PLEKHG1: variants seen among roughly 807,000 people sequenced by gnomAD.
PLEKHG1 encodes the protein pleckstrin homology domain-containing family G member 1.
PLEKHG1 carries 44 observed loss-of-function variants against 100.8 expected under a neutral mutation model. The ratio of observed to expected loss-of-function variants is 0.44; its 90% CI spans 0.34 to 0.56. The LOEUF is 0.56. Among genes scored for constraint, PLEKHG1 ranks in the 20% least tolerant of loss-of-function variants. The probability of loss-of-function intolerance (pLI) is 0.01; values close to 1 mark genes in which losing one functional copy is unlikely to be tolerated. For synonymous variants in PLEKHG1, 640 were observed against 662.5 expected (o/e 0.97, Z 0.52); for missense variants, 1,545 against 1,720.9 (o/e 0.90, Z 1.81).
intron 13 of PLEKHG1, among the ~76,000 whole-genome samples, chr6:150,821,649 A>C (rs1276950626): frequency 1.3e-5 from 2 of 151,950 alleles, no homozygotes; most frequent in African/African-American, 4.8e-5. Context: ...ACGCCATTGC[A>C]CTCCAGCCTG....
At chr6:150,842,575 T>C (rs1320315114) in exon 16 of PLEKHG1, 1 of 152,230 alleles carries the variant, frequency 6.6e-6, no homozygotes, top group East Asian at 1.9e-4. Flanking sequence ...TCTCATAGCT[T>C]ATAAAAGAAA....
chr6:150,727,531 A>T (rs561136689), intron 1 of PLEKHG1, among the ~76,000 whole-genome samples: 1 of 152,334 alleles, frequency 6.6e-6, no homozygotes, highest in South Asian at 2.1e-4. Flanking sequence ...GGGATTTGTC[A>T]TGAAGTAAAA....
chr6:150,759,471 T>G (rs1230523661), intron 2 of PLEKHG1, among the ~76,000 whole-genome samples: 1 of 152,182 alleles, frequency 6.6e-6, no homozygotes, highest in Non-Finnish European at 1.5e-5. Flanking sequence ...TGTTAAGGTA[T>G]AAAACCTTTG....
At chr6:150,722,827 C>T (rs371118758) in intron 1 of PLEKHG1, among the ~76,000 whole-genome samples, 5 of 152,118 alleles carry the variant, frequency 3.3e-5, no homozygotes, top group Admixed American at 6.5e-5. Context: ...GAACTGAGTG[C>T]GTTCCATACA....
chr6:150,741,877 G>A (rs1213054745), intron 2 of PLEKHG1, among the ~76,000 whole-genome samples: 3 of 152,292 alleles, frequency 2.0e-5, no homozygotes, highest in Admixed American at 1.3e-4. Flanking sequence ...AGTTGTGTAC[G>A]TTGTAGGAAC....
intron 3 of PLEKHG1, among the ~76,000 whole-genome samples, chr6:150,668,557 G>A (rs577773422): frequency 3.9e-5 from 6 of 152,068 alleles, no homozygotes; most frequent in Admixed American, 2.6e-4. Context: ...TTGATCTGTC[G>A]AAACATAGTG....
intron 3 of PLEKHG1, among the ~76,000 whole-genome samples, chr6:150,711,205 GAGA>G (rs1401462648): frequency 1.3e-5 from 2 of 152,136 alleles, no homozygotes; most frequent in Non-Finnish European, 2.9e-5. Flanking sequence ...GACATACAAG[GAGA>G]AGGTGATCAT....
chr6:150,756,209 G>A (rs1241192327), intron 2 of PLEKHG1, among the ~76,000 whole-genome samples: 2 of 151,996 alleles, frequency 1.3e-5, no homozygotes, highest in Admixed American at 6.5e-5. Flanking sequence ...TCAAGTTTCT[G>A]GGGAACATCC....
chr6:150,606,698 G>A (rs1022613611), intron 1 of PLEKHG1, among the ~76,000 whole-genome samples: 1 of 152,034 alleles, frequency 6.6e-6, no homozygotes, highest in African/African-American at 2.4e-5. Flanking sequence ...CTCAGTTTCT[G>A]GATGATTCAG....
chr6:150,702,576 G>GTGTGTGTA (rs1221409960), intron 3 of PLEKHG1, among the ~76,000 whole-genome samples: 8 of 151,650 alleles, frequency 5.3e-5, no homozygotes, highest in Non-Finnish European at 1.2e-4. Flanking sequence ...GTGTGTGTGT[G>GTGTGTGTA]TGTGTGTGTG....
At chr6:150,755,905 A>G (rs1320746040) in intron 2 of PLEKHG1, among the ~76,000 whole-genome samples, 1 of 152,156 alleles carries the variant, frequency 6.6e-6, no homozygotes, top group East Asian at 1.9e-4. Flanking sequence ...AATTTAAAAA[A>G]ATTTATTTTT....
chr6:150,694,082 G>A (rs1439118475), intron 3 of PLEKHG1, among the ~76,000 whole-genome samples: 1 of 152,216 alleles, frequency 6.6e-6, no homozygotes, highest in Non-Finnish European at 1.5e-5. Context: ...AGGCAGCATG[G>A]ATCTAGTTTA....
chr6:150,623,812 G>A (rs1777407353), intron 1 of PLEKHG1, among the ~76,000 whole-genome samples: 1 of 152,212 alleles, frequency 6.6e-6, no homozygotes, highest in Non-Finnish European at 1.5e-5. Context: ...GTGCTGCCCT[G>A]TGGTATTGGG....
rs149979208 is a variant in PLEKHG1, at chr6:150,703,021, C to T, written c.-98-30563C>T. Among the ~76,000 whole-genome samples, 839 of 152,302 alleles carry T rather than the reference C, an allele frequency of 5.5e-3. 2 individuals carry two copies. The highest frequency in any genetic ancestry group is 0.01 in the Admixed American group (158 of 15,288). ...TACAAAACAAAAAACCTCAGCAAGG[C>T]CTGTGTTTTCATCTCCATCATTCTC... is the stretch of plus-strand genomic sequence containing the variant. On this transcript the variant is annotated intron_variant, in intron 3 of 3. Transcript: ENST00000367326.
At chr6:150,703,731 T>C (rs9480548) in intron 3 of PLEKHG1, among the ~76,000 whole-genome samples, 23,184 of 152,150 alleles carry the variant, frequency 0.15, 2,495 homozygotes, top group African/African-American at 0.32. Flanking sequence ...TGGAACATTC[T>C]TGTGTCACAG....
intron 1 of PLEKHG1, among the ~76,000 whole-genome samples, chr6:150,730,348 G>C (rs756188196): frequency 8.2e-6 from 1 of 122,178 alleles, no homozygotes; most frequent in Non-Finnish European, 1.8e-5. Context: ...GTGTGGGGGT[G>C]GGGGAGTGGG....
rs7738397 is a variant in PLEKHG1, at chr6:150,739,844, G to A, written c.411+5752G>A. Among the ~76,000 whole-genome samples, 377 of 152,326 alleles carry A rather than the reference G, an allele frequency of 2.5e-3. 3 individuals are homozygous for A. The highest frequency in any genetic ancestry group is 8.5e-3 in the African/African-American group (355 of 41,558). ...CCAAGCTCTGTGTTCGTTAGTCTAT[G>A]TGGACTCTTTGTTTATTGAGTGATC... On this transcript the variant is annotated intron_variant, in intron 2 of 15. Coordinates refer to ENST00000358517, the Ensembl canonical transcript of PLEKHG1.
rs137891800 is a variant in PLEKHG1, at chr6:150,835,267, A to C, written c.3094+3062A>C. ...CTCCTGATAGTCTTTGAGAGCAAGG[A>C]GGCCTTTGGGTTTCTGGGTTTTTTG... On this transcript the variant is annotated intron_variant, in intron 15 of 15. Coordinates refer to ENST00000358517, the Ensembl canonical transcript of PLEKHG1. Among the ~76,000 whole-genome samples the C allele has an allele frequency of 2.5e-3, 384 of 152,196 alleles. 2 individuals are homozygous for C. The highest frequency in any genetic ancestry group is 8.7e-3 in the African/African-American group (363 of 41,532).
At chr6:150,664,998 A>G (rs1779341883) in intron 3 of PLEKHG1, among the ~76,000 whole-genome samples, 1 of 152,198 alleles carries the variant, frequency 6.6e-6, no homozygotes, top group African/African-American at 2.4e-5. Flanking sequence ...ATGGCTTCCA[A>G]GCTGCTGGCG....
Sources: allele counts gnomAD v4.1 joint callset (sites outside exome capture counted in the v4.1 genomes callset), GRCh38; gene constraint gnomAD v4.1.1; transcripts MANE v1.5; gene names NCBI Gene and HGNC (gene_info 2026-07-23, HGNC 2026-07-21).